Variants in PDE10A observed in about 807,000 individuals in gnomAD.
The protein encoded by PDE10A is phosphodiesterase 10A.
A neutral mutation model predicts 97.7 loss-of-function variants in PDE10A; 39 were observed. The observed-to-expected ratio is 0.40, with a 90% CI of 0.31 to 0.52. The LOEUF (loss-of-function observed/expected upper bound fraction) is 0.52, where lower values mean the gene tolerates loss of function less well. PDE10A is among the 20% of genes least tolerant of loss of function. The pLI is 0.56. For missense variants in PDE10A, 731 were observed against 1,047.8 expected (o/e 0.70, Z 4.17); for synonymous variants, 371 against 376.8 (o/e 0.98, Z 0.18).
At chr6:165,496,445 C>T (rs1241841027) in intron 2 of PDE10A, among the ~76,000 whole-genome samples, 1 of 152,184 alleles carries the variant, frequency 6.6e-6, no homozygotes, top group Non-Finnish European at 1.5e-5. Flanking sequence ...CCTTTTCAAA[C>T]TTGCCTCCCT....
At chr6:165,911,156 C>G (rs1443561705) in intron 1 of PDE10A, among the ~76,000 whole-genome samples, 1 of 152,012 alleles carries the variant, frequency 6.6e-6, no homozygotes, top group African/African-American at 2.4e-5. Flanking sequence ...TACTTTTGTA[C>G]CAACCTAATA....
At chr6:165,365,026 A>G (rs1046427291) in intron 18 of PDE10A, among the ~76,000 whole-genome samples, 15 of 152,082 alleles carry the variant, frequency 9.9e-5, no homozygotes, top group Non-Finnish European at 2.2e-4. Flanking sequence ...AAAAAAATCC[A>G]AAAGTATAGT....
At chr6:165,428,411 CA>C (rs1789318562) in intron 10 of PDE10A, among the ~76,000 whole-genome samples, 1 of 151,936 alleles carries the variant, frequency 6.6e-6, no homozygotes, top group Non-Finnish European at 1.5e-5. Context: ...AAAAAGAAAC[CA>C]AATGTCTTTT....
intron 1 of PDE10A, among the ~76,000 whole-genome samples, chr6:165,821,881 T>C (rs1779582021): frequency 7.1e-6 from 1 of 140,798 alleles, no homozygotes; most frequent in Non-Finnish European, 1.6e-5. Context: ...GTCAGTTAAC[T>C]GAATTGAGTG....
chr6:165,555,026 T>A (rs1583530001), intron 1 of PDE10A, among the ~76,000 whole-genome samples: 1 of 152,126 alleles, frequency 6.6e-6, no homozygotes, highest in African/African-American at 2.4e-5. Flanking sequence ...GGCTAGGAAG[T>A]GTAGTAGGGG....
At chr6:165,956,320 G>A (rs1476590132) in intron 1 of PDE10A, among the ~76,000 whole-genome samples, 2 of 152,192 alleles carry the variant, frequency 1.3e-5, no homozygotes, top group African/African-American at 4.8e-5. Flanking sequence ...ATCAATGCCT[G>A]TGGCAATTTC....
chr6:165,688,221 C>T (rs996578082), intron 1 of PDE10A, among the ~76,000 whole-genome samples: 19 of 152,136 alleles, frequency 1.2e-4, no homozygotes, highest in Admixed American at 2.0e-4. Flanking sequence ...TTGGTTTACA[C>T]GCCTTTGAGA....
chr6:165,858,376 C>T (rs1780808756), intron 1 of PDE10A, among the ~76,000 whole-genome samples: 1 of 152,236 alleles, frequency 6.6e-6, no homozygotes, highest in South Asian at 2.1e-4. Context: ...CTGAGACCTT[C>T]TGCTCTGCAG....
chr6:165,398,467 G>A (rs1415340416), intron 13 of PDE10A, among the ~76,000 whole-genome samples: 8 of 147,858 alleles, frequency 5.4e-5, no homozygotes, highest in Non-Finnish European at 1.0e-4. Context: ...CAGCCTGGGC[G>A]ATAGAGCAAG....
At chr6:165,663,260 C>CACG (rs1217043757), upstream of PDE10A, among the ~76,000 whole-genome samples, 2 of 147,630 alleles carry the variant, frequency 1.4e-5, no homozygotes, top group African/African-American at 5.2e-5. Flanking sequence ...AGGCGCTCCC[C>CACG]ACGCCGCCGC....
At chr6:165,505,132 T>C (rs1049601967) in intron 2 of PDE10A, among the ~76,000 whole-genome samples, 2 of 152,234 alleles carry the variant, frequency 1.3e-5, no homozygotes, top group Non-Finnish European at 2.9e-5. Flanking sequence ...AATGATTTTG[T>C]AAGTCACCTA....
At chr6:165,930,783 G>A (rs1000983322) in intron 1 of PDE10A, among the ~76,000 whole-genome samples, 1 of 152,190 alleles carries the variant, frequency 6.6e-6, no homozygotes, top group South Asian at 2.1e-4. Flanking sequence ...CCATGTTAAC[G>A]AGGGCCGAGG....
At chr6:165,852,297 A>G (rs1780593088) in intron 1 of PDE10A, among the ~76,000 whole-genome samples, 1 of 152,362 alleles carries the variant, frequency 6.6e-6, no homozygotes, top group Non-Finnish European at 1.5e-5. Flanking sequence ...TTTGCAAAGT[A>G]CATCTAAAGT....
intron 1 of PDE10A, among the ~76,000 whole-genome samples, chr6:165,795,115 T>C (rs1309562113): frequency 6.6e-6 from 1 of 152,232 alleles, no homozygotes; most frequent in Non-Finnish European, 1.5e-5. Context: ...CAATGGCTCC[T>C]GTCATCTTCA....
At chr6:165,610,272 G>T (rs370282765) in intron 1 of PDE10A, among the ~76,000 whole-genome samples, 1 of 152,150 alleles carries the variant, frequency 6.6e-6, no homozygotes, top group African/African-American at 2.4e-5. Flanking sequence ...GGCCAGGCCC[G>T]GTGGCTCACG....
chr6:165,983,402 G>A (rs917651549), intron 1 of PDE10A, among the ~76,000 whole-genome samples: 1 of 152,158 alleles, frequency 6.6e-6, no homozygotes, highest in Non-Finnish European at 1.5e-5. Flanking sequence ...TGAGCACTCT[G>A]GCATGGATTG....
At chr6:165,624,323 C>A (rs1049275203) in intron 1 of PDE10A, among the ~76,000 whole-genome samples, 2 of 152,204 alleles carry the variant, frequency 1.3e-5, no homozygotes, top group African/African-American at 4.8e-5. Context: ...TCATGTCATT[C>A]CCCGATTCAA....
intron 1 of PDE10A, among the ~76,000 whole-genome samples, chr6:165,918,932 T>A (rs563394153): frequency 5.4e-4 from 82 of 152,276 alleles, no homozygotes; most frequent in Non-Finnish European, 8.8e-4. Flanking sequence ...TGATGGGAAA[T>A]CTGCTCTCAC....
At chr6:165,592,280 T>C (rs536106726) in intron 1 of PDE10A, among the ~76,000 whole-genome samples, 47 of 152,196 alleles carry the variant, frequency 3.1e-4, no homozygotes, top group Middle Eastern at 3.4e-3. Context: ...ACTTTCCTTA[T>C]ACTTTATACA....
Sources: gnomAD v4.1 joint callset for allele counts (sites outside exome capture counted in the v4.1 genomes callset) on GRCh38, gnomAD v4.1.1 for gene constraint, MANE v1.5 for transcripts, NCBI Gene and HGNC (gene_info 2026-07-23, HGNC 2026-07-21) for gene names.